WNT9B: variants seen among roughly 807,000 people sequenced by gnomAD.
WNT9B encodes Wnt family member 9B.
A neutral mutation model predicts 30.2 loss-of-function variants in WNT9B; 12 were observed. The observed-to-expected ratio is 0.40, with a 90% confidence interval of 0.26 to 0.64. The LOEUF is 0.64. Ranked by LOEUF, WNT9B falls within the 30% of genes least tolerant of loss-of-function variation. The pLI is 0.42. For missense variants in WNT9B, 442 were observed against 485.2 expected, an observed-to-expected ratio of 0.91 and a Z score of 0.84; for synonymous variants, 218 against 216.9, an observed-to-expected ratio of 1.01 and a Z score of -0.05.
At chr17:46,854,033 C>T (rs62071986) in intron 1 of WNT9B, among the ~76,000 whole-genome samples, 4,126 of 152,268 alleles carry the variant, frequency 0.027, 76 homozygotes, top group Non-Finnish European at 0.042. Flanking sequence ...GGAGCCACCT[C>T]TTCCAGGTCA....
chr17:46,875,449 C>A, intron 3 of WNT9B, 83 bp downstream of exon 3: 1 of 1,455,328 alleles, frequency 6.9e-7, no homozygotes, highest in Non-Finnish European at 9.1e-7. Context: ...GCCAGCACCC[C>A]ACTCCCCAAA....
intron 3 of WNT9B, among the ~76,000 whole-genome samples, chr17:46,875,594 T>C (rs1379760586): frequency 1.3e-5 from 2 of 152,164 alleles, no homozygotes; most frequent in Non-Finnish European, 2.9e-5. Context: ...ATGAGTGTCA[T>C]TGGTGGAAGC....
At chr17:46,837,172 A>G (rs2084642790) in intron 1 of WNT9B, among the ~76,000 whole-genome samples, 1 of 151,966 alleles carries the variant, frequency 6.6e-6, no homozygotes, top group Non-Finnish European at 1.5e-5. Context: ...TGATCTCTTG[A>G]CCTCGTGATC....
downstream of WNT9B, among the ~76,000 whole-genome samples, chr17:46,880,995 A>G (rs1392766712): frequency 6.6e-6 from 1 of 152,220 alleles, no homozygotes; most frequent in Non-Finnish European, 1.5e-5. Flanking sequence ...AAGCACAGCC[A>G]TGCAGTGGTT....
chr17:46,855,751 T>G (rs1176437453), intron 1 of WNT9B, among the ~76,000 whole-genome samples: 1 of 152,164 alleles, frequency 6.6e-6, no homozygotes, highest in Non-Finnish European at 1.5e-5. Flanking sequence ...CAGGCTAGAG[T>G]GCAATGGTGT....
rs115163288 is a variant in WNT9B, at chr17:46,876,375, C to T, written c.731C>T (p.Ser244Leu). The T allele has an allele frequency of 9.8e-4, 1,580 of 1,613,990 alleles. 11 individuals carry two copies. The African/African-American group carries it at 0.018, about 19-fold the overall frequency. The change falls in exon 4 of 4, where the codon TCG becomes TTG. Residue 244 changes from serine (S) to leucine (L), a missense_variant. Physicochemically the swap from Ser to Leu is moderately radical, Grantham distance 145. Coordinates refer to ENST00000290015, the MANE Select transcript of WNT9B (RefSeq NM_003396.3). ...CAGGTGCTGAAACTGCGCTATGACT[C>T]GGCTGTCAAGGTGTCCAGTGCCACC... is the stretch of plus-strand genomic sequence containing the variant. The part of the protein sequence containing the change: ...TGQVLKLRYD[S>L]AVKVSSATNE...
intron 3 of WNT9B, 76 bp from the exon 4 acceptor site, chr17:46,876,169 G>T: frequency 7.3e-7 from 1 of 1,372,400 alleles, no homozygotes; most frequent in Non-Finnish European, 9.9e-7. Context: ...GCCCTGCTGG[G>T]GTTGGTGCTC....
chr17:46,847,508 C>T (rs577926963), upstream of WNT9B, among the ~76,000 whole-genome samples: 8 of 152,274 alleles, frequency 5.3e-5, no homozygotes, highest in East Asian at 1.4e-3. Context: ...CAGGACTCAG[C>T]CAGTCATCAT....
At chr17:46,845,614 C>T (rs979590296) in intron 1 of WNT9B, among the ~76,000 whole-genome samples, 3 of 151,108 alleles carry the variant, frequency 2.0e-5, no homozygotes, top group Non-Finnish European at 4.4e-5. Flanking sequence ...CTTGGCCTCC[C>T]GAGTAGCTGG....
At chr17:46,860,348 A>C (rs2085015611) in intron 1 of WNT9B, among the ~76,000 whole-genome samples, 1 of 152,028 alleles carries the variant, frequency 6.6e-6, no homozygotes, top group African/African-American at 2.4e-5. Context: ...GCTCAGGAGG[A>C]GGTGGGCCAG....
rs768544945 is a variant in WNT9B, at chr17:46,875,241, T to C, written c.475T>C (p.Trp159Arg). ...GCTGGAGAGCCGGCAGGCCTGGCAG[T>C]GGGGCGTGTGCGGTGACAACCTCAA... ...PGLESRQAWQ[W>R]GVCGDNLKYS... The change falls in exon 3 of 4, where the codon TGG becomes CGG. Residue 159 changes from tryptophan (W) to arginine (R), a missense_variant. By Grantham distance (101) the Trp-to-Arg change is moderately radical. Transcript: ENST00000290015. 7.4e-6 allele frequency: 12 copies of C among 1,614,172 alleles called. No homozygotes were observed. The South Asian group carries it at 1.3e-4, about 18-fold the overall frequency.
chr17:46,879,223 G>T lies in WNT9B; in HGVS notation c.*2505G>T, dbSNP rs2085391074. On this transcript the variant is annotated 3_prime_UTR_variant, in exon 4 of 4. Coordinates refer to ENST00000290015, the MANE Select transcript of WNT9B (RefSeq NM_003396.3). ...TTGTGTATTTTCCCGGAAACCCTCT[G>T]TCTGGGGAGATACAGCCTGACCTGA... Among the ~76,000 whole-genome samples the T allele has an allele frequency of 6.6e-6, 1 of 152,192 alleles. No individual in the cohort carries two copies. The highest frequency in any genetic ancestry group is 2.1e-4 in the South Asian group (1 of 4,826).
chr17:46,880,413 ATTAT>A lies in WNT9B; in HGVS notation c.*3699_*3702del, dbSNP rs1331649766. On this transcript the variant is annotated 3_prime_UTR_variant, in exon 4 of 4. Coordinates refer to ENST00000290015, the MANE Select transcript of WNT9B (RefSeq NM_003396.3). ...CTTATGTCCATTTATTCAACCAATG[ATTAT>A]TTAGGGATCTCTTATTGAGCACCAG... Among the ~76,000 whole-genome samples the A allele has an allele frequency of 1.3e-5, 2 of 152,172 alleles. No individual in the cohort carries two copies. The highest frequency in any genetic ancestry group is 2.9e-5 in the Non-Finnish European group (2 of 68,020).
chr17:46,868,665 G>T lies in WNT9B; in HGVS notation c.78-3852G>T, dbSNP rs144358973. 1.7e-4 allele frequency among the ~76,000 whole-genome samples: 26 copies of T among 152,264 alleles called. No homozygotes were observed. In the East Asian group the frequency reaches 4.8e-3, roughly 28 times the overall value. Reference sequence around the variant, plus strand: ...CATTTTTCTGGGTTCATAAGACTAAGGAAGCCCACTTGAATTTCTCCAGTT... The same window carrying T: ...CATTTTTCTGGGTTCATAAGACTAATGAAGCCCACTTGAATTTCTCCAGTT... On this transcript the variant is annotated intron_variant, in intron 1 of 3. Coordinates refer to ENST00000290015, the MANE Select transcript of WNT9B (RefSeq NM_003396.3).
At chr17:46,872,429 T>G in intron 1 of WNT9B, 88 bp from the exon 2 acceptor site, 1 of 1,394,054 alleles carries the variant, frequency 7.2e-7, no homozygotes, top group Admixed American at 2.7e-5. Context: ...GGGCAGTAAA[T>G]GAAGCCCCTG....
exon 1 of WNT9B, chr17:46,833,379 G>T (rs562742690): frequency 2.5e-5 from 13 of 518,534 alleles, no homozygotes; most frequent in African/African-American, 2.5e-4. Context: ...TGATCCTCTG[G>T]CATGCCAAGG....
In WNT9B at chr17:46,878,043, G is replaced by A. The variant is rs1475594838; in HGVS notation, c.*1325G>A. Among the ~76,000 whole-genome samples the A allele has an allele frequency of 6.6e-6, 1 of 152,220 alleles. No individual in the cohort carries two copies. The highest frequency in any genetic ancestry group is 2.4e-5 in the African/African-American group (1 of 41,450). On this transcript the variant is annotated 3_prime_UTR_variant, in exon 4 of 4. Coordinates refer to ENST00000290015, the MANE Select transcript of WNT9B (RefSeq NM_003396.3). The stretch of plus-strand genomic sequence containing the variant: ...TGGTACCTCCACACAGGCACACATG[G>A]ATGCACAGCCCCTGGACCAGGCTGG...
intron 1 of WNT9B, among the ~76,000 whole-genome samples, chr17:46,842,430 A>C (rs1388990477): frequency 6.6e-6 from 1 of 152,150 alleles, no homozygotes; most frequent in Non-Finnish European, 1.5e-5. Context: ...GCTGGAGTGC[A>C]GTGGCGCGAT....
chr17:46,878,409 C>G lies in WNT9B; in HGVS notation c.*1691C>G, dbSNP rs1482097918. 6.6e-6 allele frequency among the ~76,000 whole-genome samples: 1 copy of G among 152,206 alleles called. No homozygotes were observed. The highest frequency in any genetic ancestry group is 2.4e-5 in the African/African-American group (1 of 41,450). On this transcript the variant is annotated 3_prime_UTR_variant, in exon 4 of 4. Transcript: ENST00000290015. The stretch of plus-strand genomic sequence containing the variant: ...AGGGCGAGGAGGAGCTGCCCAGTCT[C>G]CAGTGGATCAGGGCAGTCTGCTGGA...
Sources: gnomAD v4.1 joint callset for allele counts (sites outside exome capture counted in the v4.1 genomes callset) on GRCh38, gnomAD v4.1.1 for gene constraint, MANE v1.5 for transcripts, NCBI Gene and HGNC (gene_info 2026-07-23, HGNC 2026-07-21) for gene names.